Variants in MYT1L observed in about 807,000 individuals in gnomAD.
The protein encoded by MYT1L is myelin transcription factor 1-like protein.
MYT1L carries 12 observed loss-of-function variants against 126.7 expected under a neutral mutation model. That is an observed-to-expected ratio of 0.09 (90% CI 0.06 to 0.15). The LOEUF is 0.15. MYT1L is among the 10% of genes least tolerant of loss of function. The probability of loss-of-function intolerance (pLI) is 1.00; values close to 1 mark genes in which losing one functional copy is unlikely to be tolerated. For missense variants in MYT1L, 979 were observed against 1,585.2 expected (o/e 0.62, Z 6.49); for synonymous variants, 541 against 604.2 (o/e 0.90, Z 1.53).
rs185215491 is a variant in MYT1L, at chr2:1,901,082, C to T, written c.2032+1998G>A. On this transcript the variant is annotated intron_variant, in intron 14 of 24. Coordinates refer to ENST00000647738, the MANE Select transcript of MYT1L (RefSeq NM_001303052.2). ...CTAGGCTAACTTGTCCAGTAGCATC[C>T]GGCTCCTAAGAATGACACCGAAAAT... Among the ~76,000 whole-genome samples the T allele has an allele frequency of 5.9e-5, 9 of 152,248 alleles. No homozygotes were observed. In the East Asian group the frequency reaches 1.2e-3, roughly 20 times the overall value.
intron 1 of MYT1L, among the ~76,000 whole-genome samples, chr2:2,289,173 C>T (rs2095563556): frequency 6.6e-6 from 1 of 152,176 alleles, no homozygotes; most frequent in South Asian, 2.1e-4. Flanking sequence ...GTCCCTTAAC[C>T]CTGAGAAAAT....
intron 14 of MYT1L, among the ~76,000 whole-genome samples, chr2:1,900,800 C>T (rs1011178803): frequency 6.6e-6 from 1 of 152,080 alleles, no homozygotes; most frequent in Non-Finnish European, 1.5e-5. Context: ...TTCCTGAAGC[C>T]CTAACATTCA....
chr2:2,237,237 C>T (rs2094342905), intron 2 of MYT1L, among the ~76,000 whole-genome samples: 1 of 152,174 alleles, frequency 6.6e-6, no homozygotes, highest in Non-Finnish European at 1.5e-5. Context: ...CCCTTCCCTT[C>T]CCACCTCATT....
At chr2:1,820,468 T>C (rs2038368413) in intron 21 of MYT1L, among the ~76,000 whole-genome samples, 1 of 152,198 alleles carries the variant, frequency 6.6e-6, no homozygotes, top group Non-Finnish European at 1.5e-5. Flanking sequence ...TCCAGTTGTT[T>C]AATCAAATAC....
intron 8 of MYT1L, among the ~76,000 whole-genome samples, chr2:1,952,354 C>T (rs1032092638): frequency 1.5e-4 from 23 of 151,988 alleles, no homozygotes; most frequent in African/African-American, 5.3e-4. Context: ...CTTTCAATTC[C>T]AGAACACTAG....
rs375716117 is a variant in MYT1L at position 2,300,741 on chromosome 2, G to C, written c.-520-16238C>G. Among the ~76,000 whole-genome samples the C allele has an allele frequency of 5.3e-5, 8 of 152,276 alleles. No individual in the cohort carries two copies. The East Asian group carries it at 1.4e-3, about 26-fold the overall frequency. On this transcript the variant is annotated intron_variant, in intron 1 of 24. Coordinates refer to ENST00000647738, the MANE Select transcript of MYT1L (RefSeq NM_001303052.2). ...TCTCAAATCCACGCGATGATTCTTA[G>C]CGGATTCATAGAGTTGGCTGTGCAA...
chr2:1,789,292 T>C lies in MYT1L; in HGVS notation c.*2575A>G, dbSNP rs2031613249. 1 of 152,198 alleles carries C rather than the reference T, an allele frequency of 6.6e-6. No homozygotes were observed. The highest frequency in any genetic ancestry group is 1.5e-5 in the Non-Finnish European group (1 of 68,030). The allele number at this position is 152,198 out of a possible 1,614,324, so 9.4% of individuals were successfully genotyped here. On this transcript the variant is annotated 3_prime_UTR_variant, in exon 25 of 25. Transcript: ENST00000647738. ...GTGTCAACAAACCCATGCCGTGTAG[T>C]ACAAAAATAAATCAAACTTCAGTTC...
intron 3 of MYT1L, among the ~76,000 whole-genome samples, chr2:2,123,929 T>G (rs2081360695): frequency 6.6e-6 from 1 of 152,144 alleles, no homozygotes; most frequent in Non-Finnish European, 1.5e-5. Flanking sequence ...CGCTGGACAC[T>G]GGGAAGTACA....
At chr2:2,101,134 A>T (rs904395945) in intron 3 of MYT1L, among the ~76,000 whole-genome samples, 38 of 152,274 alleles carry the variant, frequency 2.5e-4, no homozygotes, top group African/African-American at 8.4e-4. Flanking sequence ...AATTTGATTG[A>T]TTTTTATATG....
At chr2:2,231,511 C>T (rs759102420) in intron 2 of MYT1L, among the ~76,000 whole-genome samples, 1 of 152,086 alleles carries the variant, frequency 6.6e-6, no homozygotes, top group African/African-American at 2.4e-5. Flanking sequence ...AAACACAGCT[C>T]ACTGTAACTT....
intron 21 of MYT1L, 94 bp from the exon 22 acceptor site, chr2:1,809,261 T>C (rs1207950010): frequency 8.1e-7 from 1 of 1,228,304 alleles, no homozygotes; most frequent in Non-Finnish European, 1.2e-6. Context: ...ATAGCATTAT[T>C]AGGTTGGTTG....
At chr2:2,054,643 G>A (rs1174775960) in intron 3 of MYT1L, among the ~76,000 whole-genome samples, 3 of 152,106 alleles carry the variant, frequency 2.0e-5, no homozygotes, top group Non-Finnish European at 4.4e-5. Flanking sequence ...ACACAGAGAT[G>A]ATGAGAGATA....
Position 2,149,745 on chromosome 2 carries a change from T to C in MYT1L, c.-304+23127A>G, listed in dbSNP as rs139806551. Among the ~76,000 whole-genome samples the C allele has an allele frequency of 8.9e-4, 135 of 152,336 alleles. 1 individual carries two copies. Among genetic ancestry groups the C allele is most frequent in the African/African-American group, 3.1e-3 (130 of 41,572 alleles). ...AACAGAAGTTCCCGAGAGTGCATTA[T>C]TAGGCTGCAGACAAGTTGGTCTCAA... On this transcript the variant is annotated intron_variant, in intron 3 of 24. Transcript: ENST00000647738.
chr2:1,871,997 G>A lies in MYT1L; in HGVS notation c.2711+14542C>T, dbSNP rs906724893. Among the ~76,000 whole-genome samples, 5 of 152,148 alleles carry A rather than the reference G, an allele frequency of 3.3e-5. 1 individual carries two copies. On this transcript the variant is annotated intron_variant, in intron 18 of 24. Coordinates refer to ENST00000647738, the MANE Select transcript of MYT1L (RefSeq NM_001303052.2). The stretch of plus-strand genomic sequence containing the variant: ...GAGCTGCATTATTCGTAGAGACAAT[G>A]GAGCACCTCGCATTGTACTTGATGG...
intron 2 of MYT1L, among the ~76,000 whole-genome samples, chr2:2,246,465 A>G (rs1185377592): frequency 6.6e-6 from 1 of 152,120 alleles, no homozygotes; most frequent in Non-Finnish European, 1.5e-5. Context: ...TACTGAATAG[A>G]CCTTTTATAA....
At chr2:2,183,864 AAAGG>A (rs560396897) in intron 2 of MYT1L, among the ~76,000 whole-genome samples, 34 of 141,698 alleles carry the variant, frequency 2.4e-4, no homozygotes, top group African/African-American at 5.1e-4. Context: ...AGGGAAGGAA[AAAGG>A]AAGGAAGGAA....
chr2:2,038,823 C>T (rs928180525), intron 4 of MYT1L, among the ~76,000 whole-genome samples: 5 of 152,062 alleles, frequency 3.3e-5, no homozygotes, highest in African/African-American at 1.2e-4. Flanking sequence ...GAACCCACAC[C>T]CCAGCTCCCC....
At chr2:2,296,304 T>A (rs2095692777) in intron 1 of MYT1L, among the ~76,000 whole-genome samples, 1 of 152,164 alleles carries the variant, frequency 6.6e-6, no homozygotes, top group Non-Finnish European at 1.5e-5. Flanking sequence ...AAGAGGCCAA[T>A]TCTCTATTAA....
Position 2,167,418 on chromosome 2 carries a change from C to G in MYT1L, c.-304+5454G>C, listed in dbSNP as rs148265205. Among the ~76,000 whole-genome samples, 870 of 152,264 alleles carry G rather than the reference C, an allele frequency of 5.7e-3. 5 individuals carry two copies. Among genetic ancestry groups the G allele is most frequent in the Non-Finnish European group, 9.5e-3 (647 of 68,024 alleles). ...CAAATACCTCTGTCTTCCTGGAGAC[C>G]CTGAACAACTTCTCCTGGACTCTGT... On this transcript the variant is annotated intron_variant, in intron 3 of 24. Coordinates refer to ENST00000647738, the MANE Select transcript of MYT1L (RefSeq NM_001303052.2).
Sources: allele counts gnomAD v4.1 joint callset (sites outside exome capture counted in the v4.1 genomes callset), GRCh38; gene constraint gnomAD v4.1.1; transcripts MANE v1.5; gene names NCBI Gene and HGNC (gene_info 2026-07-23, HGNC 2026-07-21).